CPNE5: variants seen among roughly 807,000 people sequenced by gnomAD.
CPNE5 encodes copine-5.
Under a neutral mutation model 81.1 loss-of-function variants are expected in CPNE5, and 42 were observed. The ratio of observed to expected loss-of-function variants is 0.52; its 90% CI spans 0.40 to 0.67. CPNE5 has a LOEUF of 0.67. Ranked by LOEUF, CPNE5 falls within the 30% of genes least tolerant of loss-of-function variation. CPNE5 has a pLI of 0.00. For synonymous variants in CPNE5, 313 were observed against 321.5 expected (o/e 0.97, Z 0.28); for missense variants, 612 against 815.5 (o/e 0.75, Z 3.04).
At chr6:36,774,710 AGGTGGGGCG>A (rs1459303893) in intron 10 of CPNE5, among the ~76,000 whole-genome samples, 1 of 151,740 alleles carries the variant, frequency 6.6e-6, no homozygotes, top group Non-Finnish European at 1.5e-5. Context: ...GAGGGGAAAG[AGGTGGGGCG>A]GGTGGGGAGA....
At chr6:36,786,012 C>CA (rs36060316) in intron 8 of CPNE5, among the ~76,000 whole-genome samples, 21,865 of 82,500 alleles carry the variant, frequency 0.27, 2,594 homozygotes, top group East Asian at 0.4. Context: ...GACTCCGTCT[C>CA]AAAAAAAAAA....
rs980985622 is a variant in CPNE5, at chr6:36,763,863, G to C, written c.780-871C>G. 7.7e-5 allele frequency among the ~76,000 whole-genome samples: 10 copies of C among 129,176 alleles called. No homozygotes were observed. The South Asian group carries it at 2.2e-3, about 29-fold the overall frequency. The allele number at this position is 129,176 out of a possible 152,430, so 84.7% of individuals were successfully genotyped here. A position where few individuals can be genotyped will look rare whatever the true frequency, so the allele number is the denominator to read the frequency against. On this transcript the variant is annotated intron_variant, in intron 11 of 20. Transcript: ENST00000244751. ...ATTATTTTTAAAACACAATGAGAGC[G>C]ATGTCCAGCTGGGTGGCTGCAAGTG...
chr6:36,745,682 G>C (rs1764081038), intron 16 of CPNE5, among the ~76,000 whole-genome samples, 167 bp from the exon 17 acceptor site: 1 of 152,136 alleles, frequency 6.6e-6, no homozygotes, highest in Admixed American at 6.5e-5. Context: ...CCATCCTGAA[G>C]CAGTGCATGC....
Position 36,748,256 on chromosome 6 carries a change from T to A in CPNE5, c.983A>T (p.Asn328Ile). The change falls in exon 15 of 21, where the codon AAC (asparagine) becomes ATC (isoleucine). Residue 328 changes from asparagine to isoleucine, a missense_variant. Coordinates refer to ENST00000244751, the MANE Select transcript of CPNE5 (RefSeq NM_020939.2). ...LDYIKGGTQINFTVAIDFTAS... is the reference protein window; with the variant it reads ...LDYIKGGTQIIFTVAIDFTAS... ...AGTGAAATCAATGGCCACAGTGAAG[T>A]TGATCTGGGTCCTAGAAGAGGGAGA... 1 of 1,614,124 alleles carries A rather than the reference T, an allele frequency of 6.2e-7. No individual in the cohort carries two copies. The highest frequency in any genetic ancestry group is 8.5e-7 in the Non-Finnish European group (1 of 1,180,004).
chr6:36,827,638 A>T, intron 1 of CPNE5: 1 of 985,388 alleles, frequency 1.0e-6, no homozygotes, highest in Non-Finnish European at 1.2e-6. Context: ...TTCGAGGTAA[A>T]GCGCCTTCCC....
chr6:36,786,484 T>A lies in CPNE5; in HGVS notation c.528+5549A>T, dbSNP rs567211602. 5.8e-4 allele frequency among the ~76,000 whole-genome samples: 88 copies of A among 152,350 alleles called. 1 individual carries two copies. In the South Asian group the frequency reaches 0.017, roughly 30 times the overall value. ...AGTTGTGCATCTGTTGATTTGGTCA[T>A]TCAGAGGCTGAAAACCCCAGACTGA... On this transcript the variant is annotated intron_variant, in intron 8 of 20. Coordinates refer to ENST00000244751, the MANE Select transcript of CPNE5 (RefSeq NM_020939.2).
chr6:36,776,706 C>T lies in CPNE5; in HGVS notation c.633-1641G>A, dbSNP rs114102943. ...GAACCACTGACTTCTCCCTTTCCCTCCTCTCGCTTGAGAGCCAAGCTTCAC... is the reference window on the plus strand; with the variant it reads ...GAACCACTGACTTCTCCCTTTCCCTTCTCTCGCTTGAGAGCCAAGCTTCAC... On this transcript the variant is annotated intron_variant, in intron 9 of 20. Transcript: ENST00000244751. Among the ~76,000 whole-genome samples the T allele has an allele frequency of 5.1e-3, 770 of 152,294 alleles. 9 individuals carry two copies. Among genetic ancestry groups the T allele is most frequent in the African/African-American group, 0.016 (648 of 41,538 alleles).
chr6:36,837,151 T>G (rs1773592712), intron 1 of CPNE5, among the ~76,000 whole-genome samples: 1 of 152,242 alleles, frequency 6.6e-6, no homozygotes, highest in South Asian at 2.1e-4. Flanking sequence ...GAGCACCTAC[T>G]GTGTGCCAAG....
At chr6:36,806,746 T>C (rs1462747600) in intron 3 of CPNE5, among the ~76,000 whole-genome samples, 2 of 152,364 alleles carry the variant, frequency 1.3e-5, no homozygotes, top group East Asian at 3.9e-4. Flanking sequence ...CTCCACCCTA[T>C]TCTGCTCAGA....
At position 36,746,971 on chromosome 6, in the gene CPNE5, G is replaced by A. The variant is rs1017541959; in HGVS notation, c.1019-394C>T. ...AAACCCAAAGTCCTCACAAGAGCCC[G>A]CAAGCACTCATGATCTGGCCTCCAG... On this transcript the variant is annotated intron_variant, in intron 15 of 20. Transcript: ENST00000244751. The surrounding 1 kb of genome is among the most constrained non-coding windows in gnomAD (Gnocchi z 4.5). Among the ~76,000 whole-genome samples, 4 of 456 alleles carry A rather than the reference G, an allele frequency of 8.8e-3. No homozygotes were observed. Among genetic ancestry groups the A allele is most frequent in the African/African-American group, 0.022 (3 of 136 alleles). 0.3% of individuals were successfully genotyped at this position (456 alleles called of 152,430 possible).
intron 14 of CPNE5, among the ~76,000 whole-genome samples, chr6:36,750,685 T>A (rs893941863): frequency 1.3e-5 from 2 of 152,194 alleles, no homozygotes; most frequent in African/African-American, 4.8e-5. Context: ...GTGTGGAATG[T>A]AGAACGCATG....
At chr6:36,828,252 C>T (rs554109886) in intron 1 of CPNE5, among the ~76,000 whole-genome samples, 4 of 140,056 alleles carry the variant, frequency 2.9e-5, no homozygotes, top group East Asian at 4.2e-4. Context: ...CTCAGGAGTT[C>T]GAGACTAGCC....
chr6:36,779,049 G>C lies in CPNE5; in HGVS notation c.529-92C>G, dbSNP rs116668643. On this transcript the variant is annotated intron_variant, in intron 8 of 20. Coordinates refer to ENST00000244751, the MANE Select transcript of CPNE5 (RefSeq NM_020939.2). ...GCAAGCATGAGGAGTCCAGGCACCA[G>C]CCCTGGTTGGAATGCACCGACTAAG... is the stretch of plus-strand genomic sequence containing the variant. 3.6e-3 allele frequency: 3,040 copies of C among 842,194 alleles called. 4 individuals carry two copies. The highest frequency in any genetic ancestry group is 5.0e-3 in the Non-Finnish European group (2,488 of 498,716). 52.2% of individuals were successfully genotyped at this position (842,194 alleles called of 1,614,324 possible). A position where few individuals can be genotyped will look rare whatever the true frequency, so the allele number is the denominator to read the frequency against.
At chr6:36,774,372 G>A (rs1290678635) in intron 10 of CPNE5, among the ~76,000 whole-genome samples, 2 of 152,142 alleles carry the variant, frequency 1.3e-5, no homozygotes, top group African/African-American at 4.8e-5. Context: ...CTGGGTGACT[G>A]AGCGAGACCC....
intron 8 of CPNE5, among the ~76,000 whole-genome samples, chr6:36,788,780 C>T (rs1371582547): frequency 1.4e-5 from 2 of 147,382 alleles, no homozygotes; most frequent in Non-Finnish European, 3.0e-5. Context: ...GTATTTGGAT[C>T]AAATTCTGAT....
chr6:36,780,634 C>T (rs1767963468), intron 8 of CPNE5, among the ~76,000 whole-genome samples: 1 of 152,160 alleles, frequency 6.6e-6, no homozygotes, highest in Admixed American at 6.5e-5. Context: ...GTTTCCCCGC[C>T]CAGCCACAGT....
chr6:36,825,021 G>C (rs1051517825), intron 1 of CPNE5, among the ~76,000 whole-genome samples: 6 of 152,298 alleles, frequency 3.9e-5, no homozygotes, highest in South Asian at 4.1e-4. Context: ...TCTCCTCCAT[G>C]ATGGGGACAT....
Position 36,839,381 on chromosome 6 carries a change from C to G in CPNE5, c.-4G>C, listed in dbSNP as rs371123592. 23 of 1,542,250 alleles carry G rather than the reference C, an allele frequency of 1.5e-5. 1 individual carries two copies. In the South Asian group the frequency reaches 2.8e-4, roughly 19 times the overall value. On this transcript the variant is annotated 5_prime_UTR_variant, in exon 1 of 21. Transcript: ENST00000244751. The surrounding 1 kb of genome is among the most constrained non-coding windows in gnomAD (Gnocchi z 7.3). ...CCATGTCCTCAGGCTGCTCCATCGC[C>G]CACCGCACCCCCCACCCCAAATTAG...
At chr6:36,791,841 C>T (rs548876220) in intron 8 of CPNE5, among the ~76,000 whole-genome samples, 192 bp downstream of exon 8, 13 of 152,184 alleles carry the variant, frequency 8.5e-5, no homozygotes, top group South Asian at 4.1e-4. Flanking sequence ...TTCTCCTCTC[C>T]GGGCCTCAGT....
Sources: allele counts gnomAD v4.1 joint callset (sites outside exome capture counted in the v4.1 genomes callset), GRCh38; gene constraint gnomAD v4.1.1; non-coding constraint Gnocchi (gnomAD v3.1); transcripts MANE v1.5; gene names NCBI Gene and HGNC (gene_info 2026-07-23, HGNC 2026-07-21).